Variants in TANK observed in about 807,000 individuals in gnomAD.
TANK encodes TRAF family member associated NFKB activator.
A neutral mutation model predicts 43.6 loss-of-function variants in TANK; 15 were observed. That is an observed-to-expected ratio of 0.34 (90% CI 0.23 to 0.53). The LOEUF (loss-of-function observed/expected upper bound fraction) is 0.53. Among genes scored for constraint, TANK ranks in the 20% least tolerant of loss-of-function variants. The pLI is 0.94. For synonymous variants in TANK, 162 were observed against 178.2 expected, an observed-to-expected ratio of 0.91 and a Z score of 0.73; for missense variants, 417 against 498.6, an observed-to-expected ratio of 0.84 and a Z score of 1.56.
intron 2 of TANK, among the ~76,000 whole-genome samples, chr2:161,183,992 G>A (rs1005785024): frequency 4.6e-5 from 7 of 152,004 alleles, no homozygotes; most frequent in African/African-American, 1.7e-4. Context: ...GAGACACTTG[G>A]TCTATGAGAA....
At chr2:161,159,930 G>T (rs1301240161), upstream of TANK, among the ~76,000 whole-genome samples, 1 of 152,188 alleles carries the variant, frequency 6.6e-6, no homozygotes, top group African/African-American at 2.4e-5. Context: ...GTGTTTCTCA[G>T]AGTGTGGACT....
intron 1 of TANK, among the ~76,000 whole-genome samples, chr2:161,153,174 G>T (rs1684125263): frequency 6.6e-6 from 1 of 151,608 alleles, no homozygotes; most frequent in Non-Finnish European, 1.5e-5. Flanking sequence ...TTACTATTTG[G>T]TTCTGTTTTA....
At chr2:161,183,634 A>AT (rs879696980) in intron 2 of TANK, among the ~76,000 whole-genome samples, 1 of 152,056 alleles carries the variant, frequency 6.6e-6, no homozygotes, top group Admixed American at 6.6e-5. Context: ...AAAAAGGAAA[A>AT]TTTTTTTACA....
intron 4 of TANK, among the ~76,000 whole-genome samples, chr2:161,220,050 G>A (rs1324007055): frequency 6.6e-6 from 1 of 152,038 alleles, no homozygotes; most frequent in Non-Finnish European, 1.5e-5. Context: ...TTTCTATTTA[G>A]CCTCATCCCG....
chr2:161,222,078 T>C (rs536868192), intron 4 of TANK, among the ~76,000 whole-genome samples: 1 of 152,250 alleles, frequency 6.6e-6, no homozygotes, highest in South Asian at 2.1e-4. Flanking sequence ...TTTTCCTATC[T>C]TTTCCTTCAG....
At chr2:161,199,658 T>A (rs1028277324) in intron 2 of TANK, among the ~76,000 whole-genome samples, 11 of 152,234 alleles carry the variant, frequency 7.2e-5, no homozygotes, top group Non-Finnish European at 1.6e-4. Flanking sequence ...ATCCAGAGTA[T>A]GGGCAACCAT....
chr2:161,179,163 C>A (rs560777306), intron 1 of TANK, among the ~76,000 whole-genome samples: 1 of 152,228 alleles, frequency 6.6e-6, no homozygotes, highest in Non-Finnish European at 1.5e-5. Context: ...AGTGCGAACT[C>A]CATCCACAAA....
intron 1 of TANK, 128 bp downstream of exon 1, chr2:161,160,614 C>G (rs1021446987): frequency 2.1e-5 from 16 of 761,836 alleles, no homozygotes; most frequent in Non-Finnish European, 2.9e-5. Flanking sequence ...CGAGGAGCAG[C>G]GGAGACAACC....
chr2:161,141,493 C>T, intron 1 of TANK, among the ~76,000 whole-genome samples: 1 of 152,120 alleles, frequency 6.6e-6, no homozygotes, highest in African/African-American at 2.4e-5. Flanking sequence ...TGCCCCTCAA[C>T]CCTGACTGGC....
At chr2:161,192,231 A>G (rs1013859559) in intron 2 of TANK, among the ~76,000 whole-genome samples, 1 of 152,220 alleles carries the variant, frequency 6.6e-6, no homozygotes, top group African/African-American at 2.4e-5. Context: ...CTTGGAAGGC[A>G]TATTAAACTG....
chr2:161,193,685 C>T (rs1173743570), intron 2 of TANK, among the ~76,000 whole-genome samples: 2 of 152,234 alleles, frequency 1.3e-5, no homozygotes, highest in Admixed American at 6.5e-5. Flanking sequence ...ACAATGGCTG[C>T]TCTCCTCATT....
At chr2:161,184,808 TGTA>T (rs1685583926) in intron 2 of TANK, among the ~76,000 whole-genome samples, 1 of 152,164 alleles carries the variant, frequency 6.6e-6, no homozygotes, top group African/African-American at 2.4e-5. Flanking sequence ...AGTTAATAGT[TGTA>T]GTTACCTGTG....
At chr2:161,182,490 AAGGATATTTTAC>A (rs1199123856) in intron 2 of TANK, among the ~76,000 whole-genome samples, 1 of 152,110 alleles carries the variant, frequency 6.6e-6, no homozygotes, top group Non-Finnish European at 1.5e-5. Flanking sequence ...GTTTATTTTG[AAGGATATTTTAC>A]AGGATATTAA....
intron 5 of TANK, 64 bp from the exon 6 acceptor site, chr2:161,224,567 T>C (rs1380195122): frequency 1.5e-5 from 10 of 679,702 alleles, no homozygotes; most frequent in Non-Finnish European, 2.4e-5. Context: ...CTACATAAGT[T>C]TGATTATTTA....
At chr2:161,184,514 AT>A (rs1685570860) in intron 2 of TANK, among the ~76,000 whole-genome samples, 3 of 152,140 alleles carry the variant, frequency 2.0e-5, no homozygotes, top group Admixed American at 2.0e-4. Flanking sequence ...TTATACCTCA[AT>A]TTTTTAAAAA....
At chr2:161,199,611 C>G (rs1686313293) in intron 2 of TANK, among the ~76,000 whole-genome samples, 1 of 152,092 alleles carries the variant, frequency 6.6e-6, no homozygotes, top group African/African-American at 2.4e-5. Flanking sequence ...GATAAAAGGG[C>G]AATTTTTAAA....
rs1307234871 is a variant in TANK at position 161,231,502 on chromosome 2, C to G, written c.1052C>G (p.Pro351Arg). The change falls in exon 7 of 8, where the codon CCT (proline) becomes CGT (arginine). Residue 351 changes from proline to arginine, a missense_variant. Physicochemically the swap from Pro to Arg is moderately radical, Grantham distance 103. Coordinates refer to ENST00000392749, the MANE Select transcript of TANK (RefSeq NM_001199135.3). ...CCACTTCTGGACCCATCTGATGCAC[C>G]TTTTCCCTCACTCGATTCCCCGGGA... ...SFPLLDPSDA[P>R]FPSLDSPGKA... 6.2e-7 allele frequency: 1 copy of G among 1,613,544 alleles called. No homozygotes were observed. Among genetic ancestry groups the G allele is most frequent in the Non-Finnish European group, 8.5e-7 (1 of 1,179,996 alleles).
chr2:161,179,976 CT>C, intron 2 of TANK: 4 of 1,229,494 alleles, frequency 3.3e-6, no homozygotes, highest in Non-Finnish European at 4.1e-6. Flanking sequence ...TGATGGGCTC[CT>C]TTTCAGGTGA....
intron 1 of TANK, among the ~76,000 whole-genome samples, chr2:161,165,304 A>G (rs1327608545): frequency 2.3e-4 from 35 of 152,170 alleles, no homozygotes; most frequent in Admixed American, 2.3e-3. Flanking sequence ...GACTTGCTAT[A>G]AGGGACAGAA....
Sources: gnomAD v4.1 joint callset for allele counts (sites outside exome capture counted in the v4.1 genomes callset) on GRCh38, gnomAD v4.1.1 for gene constraint, MANE v1.5 for transcripts, NCBI Gene and HGNC (gene_info 2026-07-23, HGNC 2026-07-21) for gene names.